Variants in FOXP2 observed in about 807,000 individuals in gnomAD.
The protein encoded by FOXP2 is forkhead box P2.
Under a neutral mutation model 115.8 loss-of-function variants are expected in FOXP2, and 12 were observed. The observed-to-expected ratio is 0.10, with a 90% confidence interval of 0.07 to 0.17. The LOEUF is 0.17. Among genes scored for constraint, FOXP2 ranks in the 10% least tolerant of loss-of-function variants. The pLI is 1.00. For missense variants in FOXP2, 629 were observed against 843.5 expected (o/e 0.75, Z 3.15); for synonymous variants, 328 against 297.7 (o/e 1.10, Z -1.05).
chr7:114,224,104 A>G (rs1794690258), intron 1 of FOXP2, among the ~76,000 whole-genome samples: 1 of 152,058 alleles, frequency 6.6e-6, no homozygotes, highest in African/African-American at 2.4e-5. Context: ...CTTCCCTGTT[A>G]TACATTATTT....
intron 2 of FOXP2, among the ~76,000 whole-genome samples, chr7:114,397,445 G>T (rs1015623168): frequency 2.0e-5 from 3 of 152,048 alleles, no homozygotes; most frequent in Admixed American, 1.3e-4. Flanking sequence ...GAGAAAACGG[G>T]ATAATATAAG....
intron 2 of FOXP2, among the ~76,000 whole-genome samples, chr7:114,346,233 T>A (rs1791344420): frequency 6.6e-6 from 1 of 151,808 alleles, no homozygotes; most frequent in Non-Finnish European, 1.5e-5. Context: ...TTTAGAATAA[T>A]CCTGTTATTT....
intron 1 of FOXP2, among the ~76,000 whole-genome samples, chr7:114,153,423 A>C (rs1273479709): frequency 6.6e-6 from 1 of 152,172 alleles, no homozygotes; most frequent in Non-Finnish European, 1.5e-5. Context: ...TTTGAACAAT[A>C]GTGAAAAATG....
chr7:114,351,385 A>G (rs529657511), intron 2 of FOXP2, among the ~76,000 whole-genome samples: 1 of 152,310 alleles, frequency 6.6e-6, no homozygotes, highest in East Asian at 1.9e-4. Context: ...ACAGTAATGT[A>G]TTAAAAAAGG....
chr7:114,419,512 C>G (rs1225401503), intron 1 of FOXP2, among the ~76,000 whole-genome samples: 2 of 151,888 alleles, frequency 1.3e-5, no homozygotes, highest in African/African-American at 2.4e-5. Context: ...ACATCCCTCA[C>G]AGTTATTTAT....
intron 2 of FOXP2, among the ~76,000 whole-genome samples, chr7:114,484,417 A>C (rs1320060722): frequency 2.6e-5 from 4 of 151,898 alleles, no homozygotes; most frequent in Non-Finnish European, 5.9e-5. Flanking sequence ...TTTGGTGTAC[A>C]ATCCAGTGGT....
intron 1 of FOXP2, among the ~76,000 whole-genome samples, chr7:114,271,733 A>C (rs1404173140): frequency 8.5e-6 from 1 of 117,936 alleles, no homozygotes; most frequent in African/African-American, 3.5e-5. Flanking sequence ...TTAAATATAT[A>C]TTAAATACAT....
At chr7:114,190,153 A>G (rs1793718671) in intron 1 of FOXP2, among the ~76,000 whole-genome samples, 2 of 152,190 alleles carry the variant, frequency 1.3e-5, no homozygotes, top group Admixed American at 6.5e-5. Context: ...ATACCTTGTA[A>G]TGGTTAATTT....
At chr7:114,108,820 A>G (rs908240350) in intron 1 of FOXP2, among the ~76,000 whole-genome samples, 2 of 151,914 alleles carry the variant, frequency 1.3e-5, no homozygotes, top group Admixed American at 6.6e-5. Flanking sequence ...CTGAAAGCCT[A>G]TATTAATTTA....
At chr7:114,100,389 A>G (rs1799751874) in intron 1 of FOXP2, among the ~76,000 whole-genome samples, 1 of 152,202 alleles carries the variant, frequency 6.6e-6, no homozygotes, top group African/African-American at 2.4e-5. Context: ...TGCCTAATAT[A>G]GAAATATTAA....
chr7:114,677,180 A>AAAAAAAAAAAAAC (rs1554443474), intron 16 of FOXP2, among the ~76,000 whole-genome samples: 5 of 147,928 alleles, frequency 3.4e-5, no homozygotes, highest in African/African-American at 4.9e-5. Context: ...AACAAAAAAA[A>AAAAAAAAAAAAAC]AAAAAACAAA....
At chr7:114,443,687 TTC>T (rs1335706797) in intron 2 of FOXP2, among the ~76,000 whole-genome samples, 1 of 152,176 alleles carries the variant, frequency 6.6e-6, no homozygotes, top group East Asian at 1.9e-4. Context: ...GGTTTCCTGT[TTC>T]TCTGTTAGTT....
chr7:114,503,719 C>T (rs1797669958), intron 2 of FOXP2, among the ~76,000 whole-genome samples: 1 of 150,954 alleles, frequency 6.6e-6, no homozygotes, highest in Admixed American at 6.6e-5. Flanking sequence ...TTTACTTTTT[C>T]CCCCAATCTG....
chr7:114,303,306 G>A (rs1796920946), intron 2 of FOXP2, among the ~76,000 whole-genome samples: 1 of 152,120 alleles, frequency 6.6e-6, no homozygotes. Context: ...ACAAAAAAAG[G>A]TATGATTGAA....
chr7:114,182,945 A>G (rs1195355525), intron 1 of FOXP2, among the ~76,000 whole-genome samples: 2 of 152,090 alleles, frequency 1.3e-5, no homozygotes, highest in African/African-American at 4.8e-5. Context: ...TCAGAAAAAT[A>G]ATCACACTTG....
At chr7:114,456,457 C>A (rs1456310291) in intron 2 of FOXP2, among the ~76,000 whole-genome samples, 4 of 152,180 alleles carry the variant, frequency 2.6e-5, no homozygotes, top group African/African-American at 9.6e-5. Flanking sequence ...ACTTTTTCAA[C>A]TGTAGTTTTC....
chr7:114,578,634 C>T (rs961489858), intron 3 of FOXP2, among the ~76,000 whole-genome samples: 1 of 151,944 alleles, frequency 6.6e-6, no homozygotes, highest in African/African-American at 2.4e-5. Flanking sequence ...TCTGTTTTTC[C>T]AAATGTTGCT....
At position 114,690,128 on chromosome 7, in the gene FOXP2, T is replaced by TA; in HGVS notation, c.*202_*203insA. The TA allele has an allele frequency of 1.5e-5, 7 of 468,322 alleles. No homozygotes were observed. The highest frequency in any genetic ancestry group is 2.1e-5 in the South Asian group (1 of 47,860). The allele number at this position is 468,322 out of a possible 1,614,324, so 29.0% of individuals were successfully genotyped here. ...TTGCTTGTTTTCTTCTTCTTCTTCT[T>TA]CTTTTTTTTTTTTTTTTTAGAAAAA... On this transcript the variant is annotated 3_prime_UTR_variant, in exon 17 of 17. Transcript: ENST00000350908.
intron 2 of FOXP2, among the ~76,000 whole-genome samples, chr7:114,531,760 AT>A (rs1282648205): frequency 6.6e-6 from 1 of 151,950 alleles, no homozygotes; most frequent in African/African-American, 2.4e-5. Context: ...AAGTAGAAGC[AT>A]TTTTTTAGCC....
Sources: allele counts gnomAD v4.1 joint callset (sites outside exome capture counted in the v4.1 genomes callset), GRCh38; gene constraint gnomAD v4.1.1; transcripts MANE v1.5; gene names NCBI Gene and HGNC (gene_info 2026-07-23, HGNC 2026-07-21).